SRD5A3: variants seen among roughly 807,000 people sequenced by gnomAD.
SRD5A3 encodes polyprenal reductase.
A neutral mutation model predicts 34.3 loss-of-function variants in SRD5A3; 24 were observed. The observed-to-expected ratio is 0.70, with a 90% CI of 0.51 to 0.99. The LOEUF is 0.99. SRD5A3 is among the 50% of genes least tolerant of loss of function. The pLI, the probability that SRD5A3 is intolerant of heterozygous loss-of-function variation, is 0.00. For synonymous variants in SRD5A3, 161 were observed against 167.3 expected (o/e 0.96, Z 0.29); for missense variants, 350 against 388.2 (o/e 0.90, Z 0.83).
chr4:55,349,141 TCTC>T (rs921651453), intron 1 of SRD5A3, among the ~76,000 whole-genome samples: 8 of 152,272 alleles, frequency 5.3e-5, no homozygotes, highest in African/African-American at 1.9e-4. Context: ...TTCAAGCAAT[TCTC>T]CTCCCTCAGT....
chr4:55,351,806 T>C (rs1719205353), intron 1 of SRD5A3: 2 of 502,444 alleles, frequency 4.0e-6, no homozygotes, highest in Non-Finnish European at 7.8e-6. Flanking sequence ...CTGTGTCTTA[T>C]GAGAATTAGA....
intron 4 of SRD5A3, among the ~76,000 whole-genome samples, chr4:55,369,060 A>G (rs1720020724): frequency 6.6e-6 from 1 of 152,168 alleles, no homozygotes; most frequent in African/African-American, 2.4e-5. Flanking sequence ...TAGTTTTAAT[A>G]TTTATCAAGT....
At chr4:55,362,744 T>C (rs994495143) in intron 2 of SRD5A3, among the ~76,000 whole-genome samples, 24 of 151,306 alleles carry the variant, frequency 1.6e-4, no homozygotes, top group Admixed American at 1.3e-3. Flanking sequence ...TGGATCTGGG[T>C]GCTGTTACAT....
At position 55,346,368 on chromosome 4, in the gene SRD5A3, C is replaced by T; in HGVS notation, c.32C>T (p.Ala11Val). Residue 11 changes from alanine (A) to valine (V), a missense_variant, in exon 1 of 5, where the codon GCG (alanine) becomes GTG (valine). This residue lies in a region of SRD5A3 where 159 missense variants were observed against 149.1 expected (regional missense o/e 1.07). Coordinates refer to ENST00000264228, the MANE Select transcript of SRD5A3 (RefSeq NM_024592.5). ...CCCTGGGCGGAGGCCGAGCACTCGG[C>T]GCTGAACCCGCTGCGCGCGGTGTGG... is the stretch of plus-strand genomic sequence containing the variant. The part of the protein sequence containing the change: MAPWAEAEHS[A>V]LNPLRAVWLT... 6.4e-7 allele frequency: 1 copy of T among 1,556,806 alleles called. No individual in the cohort carries two copies. The highest frequency in any genetic ancestry group is 8.7e-7 in the Non-Finnish European group (1 of 1,153,914).
At chr4:55,349,492 T>C (rs1719109650) in intron 1 of SRD5A3, among the ~76,000 whole-genome samples, 1 of 152,184 alleles carries the variant, frequency 6.6e-6, no homozygotes, top group African/African-American at 2.4e-5. Flanking sequence ...AAACCTGAAA[T>C]TGGTTCTTGG....
chr4:55,350,334 C>T (rs1719143375), intron 1 of SRD5A3, among the ~76,000 whole-genome samples: 1 of 152,170 alleles, frequency 6.6e-6, no homozygotes, highest in Admixed American at 6.5e-5. Flanking sequence ...CGCGCCACTG[C>T]ACTCCAGCCT....
rs57008349 is a variant in SRD5A3 at position 55,353,746 on chromosome 4, G to A, written c.222-5600G>A. On this transcript the variant is annotated intron_variant, in intron 1 of 4. Coordinates refer to ENST00000264228, the MANE Select transcript of SRD5A3 (RefSeq NM_024592.5). ...ACCTTTAAGAGCTGTAACACTCACT[G>A]CCGAGGTCTGCGGCTTCACTCCTGA... 1.6e-3 allele frequency among the ~76,000 whole-genome samples: 241 copies of A among 152,164 alleles called. 3 individuals are homozygous for A. The highest frequency in any genetic ancestry group is 5.1e-3 in the African/African-American group (211 of 41,498).
At chr4:55,365,918 C>T (rs976615191) in intron 3 of SRD5A3, among the ~76,000 whole-genome samples, 7 of 152,182 alleles carry the variant, frequency 4.6e-5, no homozygotes, top group African/African-American at 1.7e-4. Context: ...TTCTCTGAGC[C>T]TCACAGCCTT....
At chr4:55,361,151 T>A (rs1164457642) in intron 2 of SRD5A3, among the ~76,000 whole-genome samples, 1 of 152,118 alleles carries the variant, frequency 6.6e-6, no homozygotes, top group African/African-American at 2.4e-5. Flanking sequence ...CTTTTCTGTA[T>A]AACCAGATAA....
intron 2 of SRD5A3, among the ~76,000 whole-genome samples, chr4:55,360,079 G>A (rs1719622302): frequency 1.3e-5 from 2 of 152,000 alleles, no homozygotes; most frequent in Admixed American, 1.3e-4. Context: ...GCTGGGCATG[G>A]TGGCGGGCAC....
intron 2 of SRD5A3, among the ~76,000 whole-genome samples, chr4:55,363,101 A>T (rs1392387798): frequency 1.3e-5 from 2 of 150,564 alleles, no homozygotes; most frequent in African/African-American, 4.9e-5. Flanking sequence ...CCCGCCTCCA[A>T]CTCCCAAAGT....
At chr4:55,350,002 A>T (rs1719128704) in intron 1 of SRD5A3, among the ~76,000 whole-genome samples, 1 of 152,160 alleles carries the variant, frequency 6.6e-6, no homozygotes, top group Non-Finnish European at 1.5e-5. Flanking sequence ...ACCTCAAAAT[A>T]TTACTGTTTT....
chr4:55,369,537 C>T (rs549170698), intron 4 of SRD5A3: 65 of 395,082 alleles, frequency 1.6e-4, no homozygotes, highest in Middle Eastern at 8.1e-4. Flanking sequence ...TGAGACCAAC[C>T]TGGGCAACAT....
intron 1 of SRD5A3, among the ~76,000 whole-genome samples, chr4:55,353,738 C>G (rs1432821209): frequency 6.6e-6 from 1 of 152,184 alleles, no homozygotes; most frequent in Non-Finnish European, 1.5e-5. Context: ...AGAGCTGTAA[C>G]ACTCACTGCC....
intron 1 of SRD5A3, chr4:55,359,129 G>A: frequency 1.8e-6 from 1 of 563,210 alleles, no homozygotes; most frequent in South Asian, 2.0e-5. Flanking sequence ...GTTAACCTCA[G>A]AGAGGCCTCT....
At position 55,370,472 on chromosome 4, in the gene SRD5A3, C is replaced by CACAA. The variant is rs1720086169; in HGVS notation, c.*382_*383insCAAA. 3.9e-6 allele frequency: 1 copy of CACAA among 254,248 alleles called. No individual in the cohort carries two copies. The highest frequency in any genetic ancestry group is 2.6e-5 in the African/African-American group (1 of 39,020). 15.7% of individuals were successfully genotyped at this position (254,248 alleles called of 1,614,324 possible). On this transcript the variant is annotated 3_prime_UTR_variant, in exon 5 of 5. Transcript: ENST00000264228. Reference sequence around the variant, plus strand: ...ACACACACACACACACACACACACACAAAGGAAGATCATCAATGGCTGCGG... The same window carrying CACAA: ...ACACACACACACACACACACACACACACAAAAAGGAAGATCATCAATGGCTGCGG...
At chr4:55,355,766 T>C (rs998674443) in intron 1 of SRD5A3, among the ~76,000 whole-genome samples, 5 of 152,208 alleles carry the variant, frequency 3.3e-5, no homozygotes, top group African/African-American at 1.2e-4. Context: ...CTGTGTGACA[T>C]TGAATAAGTA....
chr4:55,367,711 AAAAT>A lies in SRD5A3; in HGVS notation c.690_693del (p.Asn230LysfsTer27). 6.2e-7 allele frequency: 1 copy of A among 1,614,164 alleles called. No individual in the cohort carries two copies. Among genetic ancestry groups the A allele is most frequent in the African/African-American group, 1.3e-5 (1 of 75,056 alleles). ...CATGTTATTCTCGGCAATCTCAGGA[AAAAT>A]AAAGCAGGTGAGACCTCTTTTAGAG... On this transcript the variant is annotated frameshift_variant, in exon 4 of 5. Transcript: ENST00000264228. LOFTEE classifies it high-confidence loss of function.
rs1056743533 is a variant in SRD5A3 at position 55,373,091 on chromosome 4, A to G, written c.*3000A>G. The G allele has an allele frequency of 2.6e-5, 4 of 152,232 alleles. No individual in the cohort carries two copies. The highest frequency in any genetic ancestry group is 9.6e-5 in the African/African-American group (4 of 41,462). 9.4% of individuals were successfully genotyped at this position (152,232 alleles called of 1,614,324 possible). A position where few individuals can be genotyped will look rare whatever the true frequency, so the allele number is the denominator to read the frequency against. On this transcript the variant is annotated 3_prime_UTR_variant, in exon 5 of 5. Coordinates refer to ENST00000264228, the MANE Select transcript of SRD5A3 (RefSeq NM_024592.5). ...AGCTGATATATTAAAGAAGACCTTA[A>G]AACAGTAAATGAGCAAGTCGAATTT...
Sources: allele counts gnomAD v4.1 joint callset (sites outside exome capture counted in the v4.1 genomes callset), GRCh38; gene constraint gnomAD v4.1.1; regional missense constraint gnomAD v4.1.1; transcripts MANE v1.5; gene names NCBI Gene and HGNC (gene_info 2026-07-23, HGNC 2026-07-21).